The following EEFSEC variants were observed in gnomAD, a reference collection of about 807,000 sequenced individuals.
The protein encoded by EEFSEC is eukaryotic elongation factor, selenocysteine-tRNA specific.
In EEFSEC, 43 loss-of-function variants were observed where a neutral mutation model predicts 42.1. That is an observed-to-expected ratio of 1.02 (90% confidence interval 0.80 to 1.32). The LOEUF is 1.32. Among genes scored for constraint, EEFSEC ranks in the 40% most tolerant of loss-of-function variants. The pLI is 0.00. For synonymous variants in EEFSEC, 354 were observed against 339.1 expected, an observed-to-expected ratio of 1.04 and a Z score of -0.48; for missense variants, 745 against 803.6, an observed-to-expected ratio of 0.93 and a Z score of 0.88.
chr3:128,373,370 C>CTGT (rs1472797419), intron 6 of EEFSEC, among the ~76,000 whole-genome samples: 1 of 152,184 alleles, frequency 6.6e-6, no homozygotes, highest in Non-Finnish European at 1.5e-5. Context: ...CTCACCTGGC[C>CTGT]ACAGAGTCAG....
chr3:128,201,966 A>G (rs1419362864), intron 1 of EEFSEC, among the ~76,000 whole-genome samples: 4 of 152,090 alleles, frequency 2.6e-5, no homozygotes, highest in Non-Finnish European at 5.9e-5. Context: ...AGTTTTTTAG[A>G]TTGTTTTGTT....
At chr3:128,287,744 T>G (rs1310914283) in intron 4 of EEFSEC, among the ~76,000 whole-genome samples, 1 of 152,210 alleles carries the variant, frequency 6.6e-6, no homozygotes, top group East Asian at 1.9e-4. Flanking sequence ...ACTTAAATTT[T>G]TAATTGTTAA....
chr3:128,379,015 C>T (rs1260198969), intron 6 of EEFSEC, among the ~76,000 whole-genome samples: 1 of 152,216 alleles, frequency 6.6e-6, no homozygotes, highest in African/African-American at 2.4e-5. Flanking sequence ...GTTGAGGTTT[C>T]AGAAAATCCC....
the EEFSEC span, among the ~76,000 whole-genome samples, chr3:128,414,986 G>A: frequency 6.6e-6 from 1 of 152,170 alleles, no homozygotes; most frequent in African/African-American, 2.4e-5. Flanking sequence ...GGGATCCAGG[G>A]TCCCTGGCCA....
At chr3:128,336,577 G>A (rs1392590890) in intron 4 of EEFSEC, among the ~76,000 whole-genome samples, 2 of 152,158 alleles carry the variant, frequency 1.3e-5, no homozygotes, top group Non-Finnish European at 2.9e-5. Context: ...CTGGGGGCCT[G>A]GTTCTTCCCC....
intron 1 of EEFSEC, among the ~76,000 whole-genome samples, chr3:128,209,936 A>G (rs557806300): frequency 1.3e-5 from 2 of 152,382 alleles, no homozygotes; most frequent in Admixed American, 1.3e-4. Flanking sequence ...GTGCCATCAA[A>G]AATATCTCCC....
intron 1 of EEFSEC, among the ~76,000 whole-genome samples, chr3:128,228,560 A>G (rs908368271): frequency 1.3e-5 from 2 of 152,014 alleles, no homozygotes; most frequent in Non-Finnish European, 2.9e-5. Flanking sequence ...TTCCTTGCCC[A>G]GGGAGGAGGG....
At chr3:128,369,506 A>G (rs2067628659) in intron 6 of EEFSEC, among the ~76,000 whole-genome samples, 5 of 152,244 alleles carry the variant, frequency 3.3e-5, no homozygotes, top group Admixed American at 2.0e-4. Context: ...AGCCCCTGCC[A>G]GGACCAAATT....
chr3:128,334,150 C>G (rs1178207280), intron 4 of EEFSEC, among the ~76,000 whole-genome samples: 1 of 152,230 alleles, frequency 6.6e-6, no homozygotes, highest in African/African-American at 2.4e-5. Context: ...GAACCTGCCT[C>G]TGCCACATCT....
At chr3:128,159,298 G>A (rs1267720655) in intron 1 of EEFSEC, among the ~76,000 whole-genome samples, 1 of 152,168 alleles carries the variant, frequency 6.6e-6, no homozygotes, top group African/African-American at 2.4e-5. Context: ...CCCCTAACCT[G>A]GATCTGGTTA....
chr3:128,395,316 C>T (rs959072370), intron 6 of EEFSEC, among the ~76,000 whole-genome samples: 12 of 152,184 alleles, frequency 7.9e-5, no homozygotes, highest in African/African-American at 2.9e-4. Flanking sequence ...CCATCAGTGG[C>T]CCACTCCTGC....
At chr3:128,401,031 A>G (rs11705709) in intron 6 of EEFSEC, among the ~76,000 whole-genome samples, 14,760 of 152,174 alleles carry the variant, frequency 0.097, 1,029 homozygotes, top group East Asian at 0.35. Context: ...GCAGGGCCAT[A>G]GGCTCCGAGA....
chr3:128,349,674 C>T (rs922087709), intron 5 of EEFSEC, among the ~76,000 whole-genome samples: 9 of 152,218 alleles, frequency 5.9e-5, no homozygotes, highest in African/African-American at 2.2e-4. Context: ...GCATGCATAG[C>T]TCCACCCCAG....
chr3:128,374,038 C>T (rs566400907), intron 6 of EEFSEC, among the ~76,000 whole-genome samples: 4 of 152,188 alleles, frequency 2.6e-5, no homozygotes, highest in South Asian at 2.1e-4. Flanking sequence ...GGACCAGCCC[C>T]GCTGCCTCCC....
At chr3:128,403,600 G>A (rs1158942217) in intron 6 of EEFSEC, among the ~76,000 whole-genome samples, 2 of 152,220 alleles carry the variant, frequency 1.3e-5, no homozygotes, top group African/African-American at 2.4e-5. Flanking sequence ...ACAGGGCACC[G>A]TGTGGACATG....
downstream of EEFSEC, among the ~76,000 whole-genome samples, chr3:128,413,086 C>T (rs1410644657): frequency 6.6e-6 from 1 of 152,134 alleles, no homozygotes; most frequent in Admixed American, 6.5e-5. Context: ...CCACCCCCAA[C>T]ACAAACAGGG....
At chr3:128,310,924 G>C (rs531758919) in intron 4 of EEFSEC, among the ~76,000 whole-genome samples, 2 of 152,350 alleles carry the variant, frequency 1.3e-5, no homozygotes, top group Admixed American at 1.3e-4. Flanking sequence ...TACAGTGGCA[G>C]TGGCTGGGGA....
At position 128,283,464 on chromosome 3, in the gene EEFSEC, A is replaced by C. The variant is rs1468937988; in HGVS notation, c.786+18683A>C. Reference sequence around the variant, plus strand: ...CTGTCAGTACTGTCTCCTTCCATGCACTTACTTTGTTCTGTGTGGCTCTAC... The same window carrying C: ...CTGTCAGTACTGTCTCCTTCCATGCCCTTACTTTGTTCTGTGTGGCTCTAC... On this transcript the variant is annotated intron_variant, in intron 4 of 6. Transcript: ENST00000254730. 2.0e-5 allele frequency among the ~76,000 whole-genome samples: 3 copies of C among 152,136 alleles called. No individual in the cohort carries two copies. The East Asian group carries it at 5.8e-4, about 29-fold the overall frequency.
intron 4 of EEFSEC, among the ~76,000 whole-genome samples, chr3:128,293,402 C>T (rs2066664746): frequency 6.6e-6 from 1 of 152,236 alleles, no homozygotes; most frequent in African/African-American, 2.4e-5. Flanking sequence ...TTTGCTAATG[C>T]CTTTAAAAAC....
Sources: allele counts gnomAD v4.1 joint callset (sites outside exome capture counted in the v4.1 genomes callset), GRCh38; gene constraint gnomAD v4.1.1; transcripts MANE v1.5; gene names NCBI Gene and HGNC (gene_info 2026-07-23, HGNC 2026-07-21).